The following PDE4D variants were observed in gnomAD, a reference collection of about 807,000 sequenced individuals.
The protein encoded by PDE4D is phosphodiesterase 4D.
In PDE4D, 24 loss-of-function variants were observed where a neutral mutation model predicts 87.4. The observed-to-expected ratio is 0.27, with a 90% CI of 0.20 to 0.39. The LOEUF is 0.39. PDE4D is among the 10% of genes least tolerant of loss of function. The pLI, the probability that PDE4D is intolerant of heterozygous loss-of-function variation, is 1.00. For synonymous variants in PDE4D, 384 were observed against 383.2 expected, an observed-to-expected ratio of 1.00 and a Z score of -0.02; for missense variants, 714 against 1,041.0, an observed-to-expected ratio of 0.69 and a Z score of 4.32.
intron 2 of PDE4D, among the ~76,000 whole-genome samples, chr5:59,205,439 G>A (rs1278817199): frequency 1.3e-5 from 2 of 152,024 alleles, no homozygotes; most frequent in Non-Finnish European, 2.9e-5. Context: ...CAGTGTAGCT[G>A]GATTTGAGCC....
intron 1 of PDE4D, among the ~76,000 whole-genome samples, chr5:59,706,140 T>C (rs1229119020): frequency 2.0e-5 from 3 of 152,154 alleles, no homozygotes; most frequent in Non-Finnish European, 4.4e-5. Flanking sequence ...CCAAAGACAC[T>C]AGTGCCCTGG....
At chr5:59,135,071 A>G (rs1463380826) in intron 5 of PDE4D, among the ~76,000 whole-genome samples, 1 of 152,158 alleles carries the variant, frequency 6.6e-6, no homozygotes, top group Non-Finnish European at 1.5e-5. Context: ...AGATTTTCCT[A>G]AGACCCCAAA....
At chr5:59,985,564 C>T (rs1762376820) in intron 3 of PDE4D, among the ~76,000 whole-genome samples, 1 of 152,098 alleles carries the variant, frequency 6.6e-6, no homozygotes, top group African/African-American at 2.4e-5. Flanking sequence ...ATAACAATAC[C>T]TTTAATATCT....
At chr5:59,577,182 A>C (rs1823312868) in intron 1 of PDE4D, among the ~76,000 whole-genome samples, 1 of 152,178 alleles carries the variant, frequency 6.6e-6, no homozygotes, top group Admixed American at 6.6e-5. Flanking sequence ...GATATGAGAA[A>C]TGTATAGGTT....
At chr5:59,224,311 C>T (rs1347250605) in intron 1 of PDE4D, among the ~76,000 whole-genome samples, 1 of 151,158 alleles carries the variant, frequency 6.6e-6, no homozygotes, top group African/African-American at 2.4e-5. Context: ...CACACACACA[C>T]ACACACACAC....
In PDE4D at chr5:59,586,174, C is replaced by T. The variant is rs190134435; in HGVS notation, c.455+306994G>A. Among the ~76,000 whole-genome samples, 586 of 152,212 alleles carry T rather than the reference C, an allele frequency of 3.8e-3. 5 individuals are homozygous for T. Among genetic ancestry groups the T allele is most frequent in the African/African-American group, 0.013 (558 of 41,530 alleles). ...TAACAAAGTATTTTTATTGCATAAC[C>T]ATTACTTTCTCAGACAATATTCGGT... On this transcript the variant is annotated intron_variant, in intron 1 of 14. Coordinates refer to ENST00000340635, the MANE Select transcript of PDE4D (RefSeq NM_001104631.2).
At chr5:59,979,346 T>C (rs1403176711) in intron 3 of PDE4D, among the ~76,000 whole-genome samples, 1 of 128,072 alleles carries the variant, frequency 7.8e-6, no homozygotes, top group East Asian at 2.5e-4. Flanking sequence ...ATTATTTATA[T>C]ATTATAAATT....
intron 5 of PDE4D, among the ~76,000 whole-genome samples, chr5:59,047,953 T>TA (rs1760966033): frequency 6.6e-6 from 1 of 152,204 alleles, no homozygotes; most frequent in Admixed American, 6.5e-5. Flanking sequence ...ATCTCAGACT[T>TA]CCAGCTCCCA....
intron 1 of PDE4D, among the ~76,000 whole-genome samples, chr5:60,277,841 C>G (rs989986053): frequency 6.6e-6 from 1 of 152,048 alleles, no homozygotes; most frequent in Non-Finnish European, 1.5e-5. Context: ...AGTATAGAAA[C>G]CTTACCTCTT....
intron 3 of PDE4D, among the ~76,000 whole-genome samples, chr5:59,901,551 A>G (rs1752262946): frequency 6.6e-6 from 1 of 152,168 alleles, no homozygotes; most frequent in Admixed American, 6.5e-5. Context: ...CTCTCAAAGG[A>G]CTATTTCAAA....
At chr5:60,023,349 T>G (rs1245175280) in intron 2 of PDE4D, among the ~76,000 whole-genome samples, 1 of 152,188 alleles carries the variant, frequency 6.6e-6, no homozygotes, top group African/African-American at 2.4e-5. Flanking sequence ...ATTTCAACTT[T>G]TTTGTTTGAA....
intron 2 of PDE4D, among the ~76,000 whole-genome samples, chr5:60,031,250 G>C (rs1409725492): frequency 6.6e-6 from 1 of 152,138 alleles, no homozygotes; most frequent in African/African-American, 2.4e-5. Flanking sequence ...TACAAGAAGA[G>C]GCTTTTTGCT....
intron 1 of PDE4D, among the ~76,000 whole-genome samples, chr5:60,396,996 C>A (rs771762048): frequency 1.3e-5 from 2 of 152,192 alleles, no homozygotes; most frequent in Admixed American, 6.5e-5. Flanking sequence ...AAATTCTTCA[C>A]GTGGTCCAAT....
chr5:59,514,898 A>G (rs1810902292), intron 1 of PDE4D, among the ~76,000 whole-genome samples: 1 of 152,232 alleles, frequency 6.6e-6, no homozygotes, highest in Admixed American at 6.5e-5. Flanking sequence ...ATCCTCAAGG[A>G]TTACATGAAG....
chr5:59,859,257 G>T (rs547824140), intron 1 of PDE4D, among the ~76,000 whole-genome samples: 1 of 152,220 alleles, frequency 6.6e-6, no homozygotes, highest in African/African-American at 2.4e-5. Flanking sequence ...GACATGAGAG[G>T]TGCCTCTCAT....
chr5:59,983,795 G>T (rs1262057318), intron 3 of PDE4D, among the ~76,000 whole-genome samples: 2 of 152,074 alleles, frequency 1.3e-5, no homozygotes, highest in African/African-American at 2.4e-5. Flanking sequence ...AAACTGTTGG[G>T]CAGTAATGAA....
intron 1 of PDE4D, among the ~76,000 whole-genome samples, chr5:59,225,029 T>G (rs1332150653): frequency 4.6e-5 from 7 of 152,218 alleles, no homozygotes; most frequent in African/African-American, 1.7e-4. Flanking sequence ...TTTTAATGAC[T>G]GTTAAGAAAA....
chr5:59,494,561 G>A (rs1288244221), intron 1 of PDE4D, among the ~76,000 whole-genome samples: 1 of 152,198 alleles, frequency 6.6e-6, no homozygotes, highest in Non-Finnish European at 1.5e-5. Context: ...TGAACTGTTA[G>A]TCATAACTTT....
intron 1 of PDE4D, among the ~76,000 whole-genome samples, chr5:59,283,455 A>G (rs1011185010): frequency 6.6e-6 from 1 of 151,796 alleles, no homozygotes; most frequent in African/African-American, 2.4e-5. Flanking sequence ...GTGATGAAAA[A>G]CCTTCTATAG....
Sources: gnomAD v4.1 joint callset for allele counts (sites outside exome capture counted in the v4.1 genomes callset) on GRCh38, gnomAD v4.1.1 for gene constraint, MANE v1.5 for transcripts, NCBI Gene and HGNC (gene_info 2026-07-23, HGNC 2026-07-21) for gene names.